Variants in NRDC observed in about 807,000 individuals in gnomAD.
The protein encoded by NRDC is nardilysin.
NRDC carries 54 observed loss-of-function variants against 147.1 expected under a neutral mutation model. That is an observed-to-expected ratio of 0.37 (90% confidence interval 0.29 to 0.46). NRDC has a LOEUF of 0.46. Ranked by LOEUF, NRDC falls within the 20% of genes least tolerant of loss-of-function variation. NRDC has a pLI of 1.00. For missense variants in NRDC, 1,082 were observed against 1,370.6 expected (o/e 0.79, Z 3.33); for synonymous variants, 440 against 482.1 (o/e 0.91, Z 1.14).
At chr1:51,874,812 T>G (rs1027766227) in intron 1 of NRDC, among the ~76,000 whole-genome samples, 2 of 152,172 alleles carry the variant, frequency 1.3e-5, no homozygotes, top group Non-Finnish European at 2.9e-5. Flanking sequence ...CCTGGAAATA[T>G]GCCCAACATT....
chr1:51,830,215 G>A (rs548377505), intron 4 of NRDC, among the ~76,000 whole-genome samples: 60 of 151,990 alleles, frequency 3.9e-4, no homozygotes, highest in South Asian at 1.2e-3. Context: ...CACCCGCCTC[G>A]GCCTCCCAAA....
At chr1:51,856,001 A>T (rs940062259) in intron 1 of NRDC, among the ~76,000 whole-genome samples, 11 of 152,132 alleles carry the variant, frequency 7.2e-5, no homozygotes, top group African/African-American at 2.4e-4. Context: ...TTTTTCATCC[A>T]ACAAATTAAC....
intron 19 of NRDC, 57 bp downstream of exon 19, chr1:51,805,453 A>G (rs942080152): frequency 5.1e-5 from 65 of 1,287,018 alleles, no homozygotes; most frequent in Non-Finnish European, 7.1e-5. Flanking sequence ...GAATGAAACA[A>G]AATAGTTTTT....
At chr1:51,793,635 G>A (rs1678752869) in intron 24 of NRDC, among the ~76,000 whole-genome samples, 1 of 152,126 alleles carries the variant, frequency 6.6e-6, no homozygotes, top group South Asian at 2.1e-4. Flanking sequence ...GAGGCCCAGG[G>A]GCAGAGATAC....
intron 30 of NRDC, 52 bp downstream of exon 30, chr1:51,789,516 C>T (rs1557892568): frequency 3.8e-6 from 6 of 1,589,108 alleles, no homozygotes; most frequent in Non-Finnish European, 5.2e-6. Flanking sequence ...CACCCAAACT[C>T]ACTCAGTAAA....
At chr1:51,791,095 C>T in intron 27 of NRDC, 105 bp from the exon 28 acceptor site, 1 of 757,964 alleles carries the variant, frequency 1.3e-6, no homozygotes, top group Non-Finnish European at 2.2e-6. Context: ...AAGACTAAGA[C>T]ATATATCCAG....
intron 1 of NRDC, among the ~76,000 whole-genome samples, chr1:51,846,432 A>T (rs922046795): frequency 1.3e-5 from 2 of 152,178 alleles, no homozygotes; most frequent in Admixed American, 1.3e-4. Context: ...ATAATTCTTA[A>T]AACATTTTCA....
At chr1:51,797,179 T>A (rs1050726239) in intron 22 of NRDC, among the ~76,000 whole-genome samples, 1 of 151,878 alleles carries the variant, frequency 6.6e-6, no homozygotes, top group African/African-American at 2.4e-5. Flanking sequence ...CCAGCCTGGG[T>A]GACAGAGCGA....
At chr1:51,830,199 G>A (rs1323210945) in intron 4 of NRDC, among the ~76,000 whole-genome samples, 2 of 151,860 alleles carry the variant, frequency 1.3e-5, no homozygotes, top group Admixed American at 6.6e-5. Flanking sequence ...TCCTGACCTC[G>A]TGATCCACCC....
At chr1:51,792,454 AAT>A in intron 24 of NRDC, 30 bp from the exon 25 acceptor site, 1 of 1,610,638 alleles carries the variant, frequency 6.2e-7, no homozygotes, top group African/African-American at 1.3e-5. Flanking sequence ...AGGCCAACTG[AAT>A]ATCCAGTGGT....
At chr1:51,845,390 A>G (rs908938414) in intron 1 of NRDC, among the ~76,000 whole-genome samples, 2 of 152,122 alleles carry the variant, frequency 1.3e-5, no homozygotes, top group African/African-American at 4.8e-5. Flanking sequence ...GTCGGGAGTT[A>G]AAGACCAGCC....
intron 19 of NRDC, 47 bp downstream of exon 19, chr1:51,805,463 T>A (rs1679419389): frequency 1.1e-5 from 15 of 1,369,160 alleles, no homozygotes; most frequent in Non-Finnish European, 1.5e-5. Context: ...AAATAGTTTT[T>A]CAATAACTAA....
At chr1:51,801,589 T>C (rs1679205105) in intron 20 of NRDC, among the ~76,000 whole-genome samples, 1 of 152,198 alleles carries the variant, frequency 6.6e-6, no homozygotes, top group Admixed American at 6.5e-5. Flanking sequence ...TTTCTAAGAA[T>C]ACAATCATAT....
chr1:51,805,411 A>C, intron 19 of NRDC, 99 bp downstream of exon 19: 1 of 936,876 alleles, frequency 1.1e-6, no homozygotes, highest in Non-Finnish European at 1.6e-6. Context: ...ACATAGCTCA[A>C]ATATGGATAG....
Position 51,790,891 on chromosome 1 carries a change from C to T in NRDC, c.3051+9G>A. ...GCCAAAGGCCAAAAGACCAGGCTGG[C>T]ACAGTCACCTGGGTGTTGAATGCCT... On this transcript the variant is annotated intron_variant, in intron 28 of 30. Coordinates refer to ENST00000352171, the MANE Select transcript of NRDC (RefSeq NM_001101662.2). 6.2e-7 allele frequency: 1 copy of T among 1,609,152 alleles called. No homozygotes were observed. Among genetic ancestry groups the T allele is most frequent in the Non-Finnish European group, 8.5e-7 (1 of 1,176,080 alleles).
intron 2 of NRDC, among the ~76,000 whole-genome samples, chr1:51,839,160 CTTTTT>C (rs5774110): frequency 1.5e-5 from 2 of 133,786 alleles, no homozygotes; most frequent in Admixed American, 8.1e-5. Flanking sequence ...TTTTCTTTTT[CTTTTT>C]TTTTTTTTTT....
chr1:51,874,116 A>T (rs1192102189), intron 1 of NRDC, among the ~76,000 whole-genome samples: 1 of 147,066 alleles, frequency 6.8e-6, no homozygotes, highest in East Asian at 2.1e-4. Flanking sequence ...GATGAATTGA[A>T]ATCCTGTCTC....
rs1678663849 is a variant in NRDC, at chr1:51,791,674, G to A, written c.2877-13C>T. On this transcript the variant is annotated splice_polypyrimidine_tract_variant and intron_variant, in intron 26 of 30. Transcript: ENST00000352171. The stretch of plus-strand genomic sequence containing the variant: ...GTAGACATGGTACCTACAAGCCAGA[G>A]AGAAAAGTTATATGAGCTCAGGTGA... 1.9e-6 allele frequency: 3 copies of A among 1,605,662 alleles called. No homozygotes were observed. The highest frequency in any genetic ancestry group is 2.6e-6 in the Non-Finnish European group (3 of 1,172,362).
At chr1:51,815,476 TAATTCTGAAAAATTAAAAAGAG>T (rs1443018627) in intron 11 of NRDC, among the ~76,000 whole-genome samples, 1 of 151,844 alleles carries the variant, frequency 6.6e-6, no homozygotes, top group Non-Finnish European at 1.5e-5. Context: ...CTGACTAGAT[TAATTCTGAAAAATTAAAAAGAG>T]AGGACACCAG....
Sources: gnomAD v4.1 joint callset for allele counts (sites outside exome capture counted in the v4.1 genomes callset) on GRCh38, gnomAD v4.1.1 for gene constraint, MANE v1.5 for transcripts, NCBI Gene and HGNC (gene_info 2026-07-23, HGNC 2026-07-21) for gene names.